The following CFAP69 variants were observed in gnomAD, a reference collection of about 807,000 sequenced individuals.
CFAP69 encodes cilia- and flagella-associated protein 69.
Under a neutral mutation model 123.0 loss-of-function variants are expected in CFAP69, and 92 were observed. That is an observed-to-expected ratio of 0.75 (90% CI 0.63 to 0.89). The LOEUF is 0.89. Ranked by LOEUF, CFAP69 falls within the 40% of genes least tolerant of loss-of-function variation. The pLI, the probability that CFAP69 is intolerant of heterozygous loss-of-function variation, is 0.00. For missense variants in CFAP69, 1,067 were observed against 1,096.9 expected (o/e 0.97, Z 0.39); for synonymous variants, 380 against 364.3 (o/e 1.04, Z -0.49).
At chr7:90,323,457 A>C in the CFAP69 span, among the ~76,000 whole-genome samples, 46 of 152,204 alleles carry the variant, frequency 3.0e-4, 1 homozygote, top group Non-Finnish European at 2.9e-5. Flanking sequence ...CTACAGTAAA[A>C]AGTGAGATAT....
intron 9 of CFAP69, chr7:90,276,282 A>C (rs540906164): frequency 6.6e-6 from 1 of 152,336 alleles, no homozygotes; most frequent in South Asian, 2.1e-4. Flanking sequence ...ATAGTATCCT[A>C]GTTAAAGCTG....
downstream of CFAP69, among the ~76,000 whole-genome samples, chr7:90,311,287 T>C (rs1794306115): frequency 2.0e-5 from 3 of 152,158 alleles, no homozygotes; most frequent in Admixed American, 2.0e-4. Flanking sequence ...CATGAGTTCA[T>C]GTCCAGGAAT....
chr7:90,301,499 G>A (rs1480784394), intron 17 of CFAP69: 1 of 151,838 alleles, frequency 6.6e-6, no homozygotes, highest in Non-Finnish European at 1.5e-5. Context: ...CCATCTAATA[G>A]GCCTCAGTGT....
intron 4 of CFAP69, among the ~76,000 whole-genome samples, chr7:90,262,430 A>G (rs1441923198): frequency 6.6e-6 from 1 of 152,156 alleles, no homozygotes; most frequent in Non-Finnish European, 1.5e-5. Flanking sequence ...TTGAGTCTCA[A>G]AGATATATTA....
chr7:90,279,541 T>C (rs561640010), intron 11 of CFAP69, 136 bp from the exon 12 acceptor site: 31 of 521,148 alleles, frequency 5.9e-5, no homozygotes, highest in African/African-American at 5.7e-4. Flanking sequence ...GTACCTATCA[T>C]AGATTGGGGT....
At chr7:90,268,882 G>T (rs1799542943) in intron 6 of CFAP69, 1 of 152,838 alleles carries the variant, frequency 6.5e-6, no homozygotes, top group African/African-American at 2.4e-5. Context: ...GCACTGTGAG[G>T]ATATAATGTT....
chr7:90,309,160 C>G (rs1053461808), intron 21 of CFAP69, 103 bp from the exon 22 acceptor site: 8 of 547,600 alleles, frequency 1.5e-5, no homozygotes, highest in East Asian at 3.1e-5. Context: ...AATAAACAAC[C>G]AAAGCATAAG....
rs1239525540 is a variant in CFAP69, at chr7:90,264,105, ATATATATATAT to A, written c.357-1195_357-1185del. 3.3e-3 allele frequency among the ~76,000 whole-genome samples: 237 copies of A among 71,334 alleles called. 6 individuals carry two copies. Among genetic ancestry groups the A allele is most frequent in the Middle Eastern group, 8.3e-3 (1 of 120 alleles). 46.8% of individuals were successfully genotyped at this position (71,334 alleles called of 152,430 possible). On this transcript the variant is annotated intron_variant, in intron 4 of 22. Transcript: ENST00000389297. ...GACTCCATCTCGAAAAAAAAAAAAA[ATATATATATAT>A]ATATATATATATATATATATATATA...
chr7:90,246,222 T>C (rs921953398), intron 1 of CFAP69, among the ~76,000 whole-genome samples: 2 of 152,206 alleles, frequency 1.3e-5, no homozygotes, highest in African/African-American at 4.8e-5. Context: ...GAAATTCCAT[T>C]TGAGGCCCTT....
At chr7:90,282,745 A>T in intron 12 of CFAP69, 147 bp from the exon 13 acceptor site, 1 of 547,450 alleles carries the variant, frequency 1.8e-6, no homozygotes, top group Non-Finnish European at 2.9e-6. Flanking sequence ...GGGAAAAGGG[A>T]TAATATTTTA....
intron 3 of CFAP69, among the ~76,000 whole-genome samples, chr7:90,261,522 G>A (rs1798335076): frequency 6.6e-6 from 1 of 152,170 alleles, no homozygotes. Flanking sequence ...GTGGAGTAAA[G>A]TAATGTTTAG....
At chr7:90,274,775 C>T (rs554494242) in intron 9 of CFAP69, among the ~76,000 whole-genome samples, 12 of 152,208 alleles carry the variant, frequency 7.9e-5, no homozygotes, top group Admixed American at 1.3e-4. Flanking sequence ...CTAGCAGTTT[C>T]GAAATGATGT....
chr7:90,258,168 C>T lies in CFAP69; in HGVS notation c.246+5C>T. On this transcript the variant is annotated splice_donor_5th_base_variant and intron_variant, in intron 3 of 22. Coordinates refer to ENST00000389297, the MANE Select transcript of CFAP69 (RefSeq NM_001039706.3). Reference sequence around the variant, plus strand: ...CAGTGTTATCAGAATGGACTTGTATCCTTTACATATATATGTATGTTCATT... The same window carrying T: ...CAGTGTTATCAGAATGGACTTGTATTCTTTACATATATATGTATGTTCATT... The T allele has an allele frequency of 6.4e-7, 1 of 1,562,542 alleles. No individual in the cohort carries two copies. The highest frequency in any genetic ancestry group is 8.7e-7 in the Non-Finnish European group (1 of 1,143,012).
At chr7:90,313,056 G>A (rs1794463087), downstream of CFAP69, among the ~76,000 whole-genome samples, 1 of 152,156 alleles carries the variant, frequency 6.6e-6, no homozygotes, top group African/African-American at 2.4e-5. Flanking sequence ...GGCATCATCA[G>A]TCTGCCTTAT....
downstream of CFAP69, among the ~76,000 whole-genome samples, chr7:90,315,119 G>A (rs1460437725): frequency 6.8e-6 from 1 of 147,304 alleles, no homozygotes. Context: ...TGCTGGCGAG[G>A]TTGCAGAGAA....
At chr7:90,263,530 T>C (rs538427574) in intron 4 of CFAP69, among the ~76,000 whole-genome samples, 2 of 152,218 alleles carry the variant, frequency 1.3e-5, no homozygotes, top group East Asian at 1.9e-4. Context: ...AGGAAAAAGT[T>C]TGGGAACAAA....
chr7:90,253,918 G>C (rs1797327480), intron 1 of CFAP69, among the ~76,000 whole-genome samples: 1 of 152,152 alleles, frequency 6.6e-6, no homozygotes, highest in Non-Finnish European at 1.5e-5. Context: ...GCCCAGACTA[G>C]TGTCCTAAAG....
intron 1 of CFAP69, among the ~76,000 whole-genome samples, chr7:90,248,274 C>CTAAAA (rs1796563118): frequency 6.6e-6 from 1 of 152,198 alleles, no homozygotes; most frequent in Admixed American, 6.5e-5. Flanking sequence ...CTTTCAGTTA[C>CTAAAA]CCTAACCTTA....
downstream of CFAP69, among the ~76,000 whole-genome samples, chr7:90,311,260 C>A (rs896567563): frequency 9.2e-5 from 14 of 152,146 alleles, no homozygotes; most frequent in Non-Finnish European, 1.9e-4. Context: ...CTCCTCCAGC[C>A]TGGAAGCCAC....
Sources: allele counts gnomAD v4.1 joint callset (sites outside exome capture counted in the v4.1 genomes callset), GRCh38; gene constraint gnomAD v4.1.1; transcripts MANE v1.5; gene names NCBI Gene and HGNC (gene_info 2026-07-23, HGNC 2026-07-21).